DEPTOR: variants seen among roughly 807,000 people sequenced by gnomAD.
The protein encoded by DEPTOR is DEP domain-containing mTOR-interacting protein.
A neutral mutation model predicts 41.6 loss-of-function variants in DEPTOR; 41 were observed. The observed-to-expected ratio is 0.98, with a 90% confidence interval of 0.77 to 1.28. DEPTOR has a LOEUF of 1.28. Ranked by LOEUF, DEPTOR falls within the 50% of genes most tolerant of loss-of-function variation. DEPTOR has a pLI of 0.00. For synonymous variants in DEPTOR, 195 were observed against 192.3 expected, an observed-to-expected ratio of 1.01 and a Z score of -0.12; for missense variants, 514 against 527.9, an observed-to-expected ratio of 0.97 and a Z score of 0.26.
chr8:120,002,632 GC>G (rs1812366277), intron 5 of DEPTOR, among the ~76,000 whole-genome samples: 1 of 150,550 alleles, frequency 6.6e-6, no homozygotes. Flanking sequence ...ACAAAATTTA[GC>G]CGGGCGTGGT....
At chr8:119,918,204 T>G (rs542855146) in intron 1 of DEPTOR, among the ~76,000 whole-genome samples, 26 of 152,052 alleles carry the variant, frequency 1.7e-4, no homozygotes, top group African/African-American at 6.3e-4. Context: ...TTTCCAAGTC[T>G]CTCGTTCCAC....
intron 3 of DEPTOR, among the ~76,000 whole-genome samples, chr8:119,935,003 AAG>A (rs1314596940): frequency 3.3e-5 from 5 of 152,200 alleles, no homozygotes; most frequent in African/African-American, 7.2e-5. Flanking sequence ...GAGTATGAGA[AAG>A]AGTGTGTGCT....
At chr8:119,914,094 G>A (rs1827781039) in intron 1 of DEPTOR, among the ~76,000 whole-genome samples, 1 of 150,396 alleles carries the variant, frequency 6.6e-6, no homozygotes, top group African/African-American at 2.5e-5. Context: ...CACCCAGGCT[G>A]GAGTGCAGTG....
At chr8:120,001,467 C>T (rs574668717) in intron 4 of DEPTOR, 58 bp from the exon 5 acceptor site, 351 of 1,472,762 alleles carry the variant, frequency 2.4e-4, no homozygotes, top group South Asian at 1.4e-3. Flanking sequence ...TTGGCTGTAG[C>T]GCTCAGTGGC....
intron 4 of DEPTOR, among the ~76,000 whole-genome samples, chr8:119,990,051 G>C (rs1812127810): frequency 6.6e-6 from 1 of 152,162 alleles, no homozygotes; most frequent in African/African-American, 2.4e-5. Context: ...TCTAGTTTCT[G>C]ATAAACAAGA....
chr8:120,041,292 A>G (rs1358766205), intron 8 of DEPTOR, among the ~76,000 whole-genome samples: 1 of 152,200 alleles, frequency 6.6e-6, no homozygotes, highest in Non-Finnish European at 1.5e-5. Flanking sequence ...CCAGCCTATA[A>G]GAACAAATGT....
At chr8:119,989,122 A>G (rs1034442825) in intron 4 of DEPTOR, among the ~76,000 whole-genome samples, 1 of 151,912 alleles carries the variant, frequency 6.6e-6, no homozygotes, top group African/African-American at 2.4e-5. Flanking sequence ...TTGGTAAGCA[A>G]TTCCAAAGTA....
intron 8 of DEPTOR, among the ~76,000 whole-genome samples, chr8:120,018,778 C>T (rs576953457): frequency 5.3e-5 from 8 of 152,214 alleles, no homozygotes; most frequent in East Asian, 1.9e-4. Flanking sequence ...TGCTGTGAAG[C>T]GGTGGCCTGA....
In DEPTOR at chr8:119,896,133, G is replaced by A. The variant is rs573152926; in HGVS notation, c.122+22165G>A. Among the ~76,000 whole-genome samples the A allele has an allele frequency of 2.8e-4, 42 of 152,102 alleles. 2 individuals are homozygous for A. In the East Asian group the frequency reaches 7.9e-3, roughly 29 times the overall value. ...TTTCTTTCAACCTTCTCAATAAATA[G>A]TAACAACAATAATAAAAATAAAAAC... On this transcript the variant is annotated intron_variant, in intron 1 of 8. Transcript: ENST00000286234.
intron 4 of DEPTOR, among the ~76,000 whole-genome samples, chr8:119,979,865 C>T (rs1427484572): frequency 6.6e-6 from 1 of 152,006 alleles, no homozygotes; most frequent in Non-Finnish European, 1.5e-5. Flanking sequence ...GGGGATTCCT[C>T]TTAAGTGGGA....
At chr8:119,975,760 T>C (rs1828689116) in intron 4 of DEPTOR, among the ~76,000 whole-genome samples, 1 of 151,792 alleles carries the variant, frequency 6.6e-6, no homozygotes, top group African/African-American at 2.4e-5. Flanking sequence ...CAAAGGAGCC[T>C]GACTGAAGCT....
chr8:119,893,579 A>G (rs1219536860), intron 1 of DEPTOR, among the ~76,000 whole-genome samples: 1 of 152,184 alleles, frequency 6.6e-6, no homozygotes, highest in African/African-American at 2.4e-5. Context: ...CTGTAATCCC[A>G]GCTCTTTGGG....
chr8:119,883,473 TAAAAAAAAAAAAA>T (rs386413817), intron 1 of DEPTOR, among the ~76,000 whole-genome samples: 1 of 112,122 alleles, frequency 8.9e-6, no homozygotes. Flanking sequence ...AGACTCGTCT[TAAAAAAAAAAAAA>T]AAAAAAAAAA....
chr8:119,900,266 G>A (rs1386673553), intron 1 of DEPTOR, among the ~76,000 whole-genome samples: 1 of 136,190 alleles, frequency 7.3e-6, no homozygotes, highest in Non-Finnish European at 1.5e-5. Flanking sequence ...GTTGCAGTGA[G>A]CCAAGATTGT....
intron 3 of DEPTOR, among the ~76,000 whole-genome samples, chr8:119,963,259 G>A (rs922604964): frequency 1.3e-5 from 2 of 152,186 alleles, no homozygotes; most frequent in South Asian, 2.1e-4. Context: ...CTGAGTAAGA[G>A]GTAGGAGCAG....
intron 8 of DEPTOR, among the ~76,000 whole-genome samples, chr8:120,012,336 C>CCTATATCTAT (rs1812542677): frequency 2.0e-5 from 3 of 152,262 alleles, no homozygotes; most frequent in Admixed American, 1.3e-4. Context: ...TAGCCTACCA[C>CCTATATCTAT]ATACCTAGAT....
chr8:119,982,652 A>G (rs1828782825), intron 4 of DEPTOR, among the ~76,000 whole-genome samples: 1 of 152,108 alleles, frequency 6.6e-6, no homozygotes, highest in Non-Finnish European at 1.5e-5. Flanking sequence ...CCAGGCTGAC[A>G]CTGAGACTCC....
intron 1 of DEPTOR, among the ~76,000 whole-genome samples, chr8:119,892,714 T>C (rs1202478087): frequency 2.0e-5 from 3 of 152,240 alleles, no homozygotes; most frequent in Non-Finnish European, 4.4e-5. Flanking sequence ...ATGTTCACTA[T>C]TTGCTGAGTC....
intron 2 of DEPTOR, among the ~76,000 whole-genome samples, chr8:119,929,486 G>A (rs1407541259): frequency 6.6e-6 from 1 of 151,766 alleles, no homozygotes; most frequent in African/African-American, 2.4e-5. Flanking sequence ...ATTCTTTGAG[G>A]CTGATGCATG....
Sources: gnomAD v4.1 joint callset for allele counts (sites outside exome capture counted in the v4.1 genomes callset) on GRCh38, gnomAD v4.1.1 for gene constraint, MANE v1.5 for transcripts, NCBI Gene and HGNC (gene_info 2026-07-23, HGNC 2026-07-21) for gene names.